MAP4: variants seen among roughly 807,000 people sequenced by gnomAD.
MAP4 encodes the protein microtubule-associated protein 4.
Under a neutral mutation model 170.2 loss-of-function variants are expected in MAP4, and 76 were observed. The observed-to-expected ratio is 0.45, with a 90% CI of 0.37 to 0.54. The LOEUF (loss-of-function observed/expected upper bound fraction) is 0.54. Ranked by LOEUF, MAP4 falls within the 20% of genes least tolerant of loss-of-function variation. MAP4 has a pLI of 0.00. For synonymous variants in MAP4, 909 were observed against 994.5 expected (o/e 0.91, Z 1.62); for missense variants, 2,506 against 2,748.0 (o/e 0.91, Z 1.97).
intron 1 of MAP4, among the ~76,000 whole-genome samples, chr3:48,070,685 A>T (rs943305517): frequency 7.3e-5 from 11 of 151,724 alleles, no homozygotes; most frequent in African/African-American, 1.7e-4. Context: ...TTTTAAAAAA[A>T]TTTTTAGTAT....
At chr3:47,864,984 C>G (rs901148248) in intron 17 of MAP4, among the ~76,000 whole-genome samples, 1 of 152,240 alleles carries the variant, frequency 6.6e-6, no homozygotes, top group Non-Finnish European at 1.5e-5. Context: ...AAACAAAGCA[C>G]CTGGGTCCAG....
intron 2 of MAP4, among the ~76,000 whole-genome samples, chr3:47,979,314 T>A (rs558455634): frequency 6.6e-6 from 1 of 152,304 alleles, no homozygotes; most frequent in South Asian, 2.1e-4. Context: ...AAAAGTCATC[T>A]GCATTCTATT....
chr3:48,040,277 A>T (rs935831101), intron 1 of MAP4, among the ~76,000 whole-genome samples: 5 of 150,744 alleles, frequency 3.3e-5, no homozygotes, highest in Non-Finnish European at 7.4e-5. Context: ...TTATTTTTTT[A>T]TTTTTTTTTG....
chr3:47,868,412 T>C (rs1474297189), intron 16 of MAP4, among the ~76,000 whole-genome samples: 1 of 152,184 alleles, frequency 6.6e-6, no homozygotes, highest in East Asian at 1.9e-4. Flanking sequence ...TAATGAGCCT[T>C]GGTCTGAACC....
chr3:47,877,539 G>A lies in MAP4; in HGVS notation c.5435-16C>T. On this transcript the variant is annotated splice_polypyrimidine_tract_variant and intron_variant, in intron 10 of 20. Transcript: ENST00000683076. ...CTGGCTATTCCTAAGGGGAGAGGGT[G>A]AGTGGGAATTATGCTAAGCAAACAT... 2 of 1,559,544 alleles carry A rather than the reference G, an allele frequency of 1.3e-6. No homozygotes were observed. Among genetic ancestry groups the A allele is most frequent in the Middle Eastern group, 1.7e-4 (1 of 5,796 alleles).
Position 47,918,733 on chromosome 3 carries a change from G to A in MAP4, c.638C>T (p.Pro213Leu). Reference protein sequence around the residue: ...FVSPEAVAEPPQPTAVPLELA... With the variant: ...FVSPEAVAEPLQPTAVPLELA... ...TAATAGTTTACCTGCCGTTGGCTGA[G>A]GAGGTTCTGCAACAGCCTCTGGGGA... The change falls in exon 6 of 21, where the codon CCT becomes CTT. Residue 213 changes from proline (P) to leucine (L), a missense_variant. Pro to Leu is a moderately conservative substitution (Grantham distance 98, BLOSUM62 -3). Around this residue, in one of 3 missense-constraint regions of MAP4, gnomAD observed 2,008 missense variants for 2,206.0 expected, o/e 0.91. Coordinates refer to ENST00000683076, the MANE Select transcript of MAP4 (RefSeq NM_001385682.1). The A allele has an allele frequency of 6.2e-7, 1 of 1,610,126 alleles. No homozygotes were observed. Among genetic ancestry groups the A allele is most frequent in the African/African-American group, 1.3e-5 (1 of 74,920 alleles).
chr3:48,060,729 C>T (rs765602964), intron 1 of MAP4, among the ~76,000 whole-genome samples: 1 of 149,976 alleles, frequency 6.7e-6, no homozygotes, highest in African/African-American at 2.5e-5. Flanking sequence ...GCCTGGGCAA[C>T]GTGTCGAAAC....
chr3:48,021,787 A>T (rs1005305031), intron 1 of MAP4, among the ~76,000 whole-genome samples: 7 of 152,260 alleles, frequency 4.6e-5, no homozygotes, highest in Non-Finnish European at 2.9e-5. Flanking sequence ...ACAAACTTAG[A>T]GGAACTTAAA....
chr3:47,878,202 T>C (rs1314876882), intron 10 of MAP4, among the ~76,000 whole-genome samples: 1 of 152,202 alleles, frequency 6.6e-6, no homozygotes, highest in Non-Finnish European at 1.5e-5. Flanking sequence ...GGGGAAGGCA[T>C]TTCTAACTGG....
At position 47,916,523 on chromosome 3, in the gene MAP4, T is replaced by A. The variant is rs748588540; in HGVS notation, c.1304A>T (p.Lys435Met). The A allele has an allele frequency of 1.1e-5, 17 of 1,614,122 alleles. No homozygotes were observed. In the South Asian group the frequency reaches 1.9e-4, roughly 18 times the overall value. ...ISSTEISSAE[K>M]VALSSETEVA... ...CTCTGTTTCTGAGGACAAAGCCACCTTCTCAGCAGAGGATATTTCTGTGGA... is the reference window on the plus strand; with the variant it reads ...CTCTGTTTCTGAGGACAAAGCCACCATCTCAGCAGAGGATATTTCTGTGGA... Residue 435 changes from lysine to methionine, a missense_variant, in exon 7 of 21, where the codon AAG becomes ATG. Lys to Met is a moderately conservative substitution (Grantham distance 95). Transcript: ENST00000683076.
At chr3:47,920,505 A>G (rs1450547360) in intron 5 of MAP4, among the ~76,000 whole-genome samples, 1 of 150,798 alleles carries the variant, frequency 6.6e-6, no homozygotes. Flanking sequence ...GGCCTCCCAA[A>G]GTGCTGGGAT....
chr3:47,883,452 C>T (rs1445410091), intron 10 of MAP4, among the ~76,000 whole-genome samples: 2 of 151,980 alleles, frequency 1.3e-5, no homozygotes, highest in African/African-American at 2.4e-5. Context: ...CTCGAACTCC[C>T]GACCTCAGAT....
upstream of MAP4, among the ~76,000 whole-genome samples, chr3:48,018,694 T>C (rs1321107114): frequency 6.6e-6 from 1 of 151,986 alleles, no homozygotes; most frequent in East Asian, 1.9e-4. Flanking sequence ...TCCCAGCTAC[T>C]CGAGAGGCTG....
At chr3:48,051,908 T>A (rs908489156) in intron 1 of MAP4, among the ~76,000 whole-genome samples, 2 of 152,234 alleles carry the variant, frequency 1.3e-5, no homozygotes, top group African/African-American at 2.4e-5. Flanking sequence ...GCTAAAAATT[T>A]GATCTTGCAA....
Position 47,911,019 on chromosome 3 carries a change from CG to C in MAP4, c.3401del (p.Thr1134ArgfsTer5). The C allele has an allele frequency of 3.3e-6, 5 of 1,536,194 alleles. No homozygotes were observed. The highest frequency in any genetic ancestry group is 4.4e-6 in the Non-Finnish European group (5 of 1,146,912). ...SKQPGTKADL[T>X]EAVVMGEPKE... Reference sequence around the variant, plus strand: ...TAGGCTCCCCCATCACCACTGCCTCCGTGAGATCAGCCTTAGTGCCTGGTTG... The same window carrying C: ...TAGGCTCCCCCATCACCACTGCCTCCTGAGATCAGCCTTAGTGCCTGGTTG... On this transcript the variant is annotated frameshift_variant, in exon 9 of 21. Transcript: ENST00000683076. LOFTEE classifies it high-confidence loss of function. The surrounding 1 kb of genome is among the most constrained non-coding windows in gnomAD (Gnocchi z 4.0).
chr3:47,991,497 T>C (rs2100092172), intron 2 of MAP4, among the ~76,000 whole-genome samples: 1 of 152,162 alleles, frequency 6.6e-6, no homozygotes, highest in Admixed American at 6.6e-5. Context: ...ACAGTCTGAC[T>C]GTCGCTATAA....
chr3:48,010,555 CTTTAT>C (rs1363086754), intron 1 of MAP4, among the ~76,000 whole-genome samples: 2 of 151,996 alleles, frequency 1.3e-5, no homozygotes, highest in Non-Finnish European at 2.9e-5. Context: ...TTATTATTGT[CTTTAT>C]TTTAAGATTA....
intron 17 of MAP4, among the ~76,000 whole-genome samples, chr3:47,861,822 G>A (rs981177255): frequency 6.6e-6 from 1 of 151,834 alleles, no homozygotes; most frequent in Non-Finnish European, 1.5e-5. Flanking sequence ...TCACGCCACT[G>A]CACTCCAGCC....
chr3:47,931,979 G>A (rs1489485230), intron 3 of MAP4: 2 of 152,106 alleles, frequency 1.3e-5, no homozygotes, highest in South Asian at 2.1e-4. Flanking sequence ...TTTTAAAGTC[G>A]AGTTCAAAGG....
Sources: gnomAD v4.1 joint callset for allele counts (sites outside exome capture counted in the v4.1 genomes callset) on GRCh38, gnomAD v4.1.1 for gene constraint, gnomAD v4.1.1 regional missense constraint, Gnocchi (gnomAD v3.1) non-coding constraint, MANE v1.5 for transcripts, NCBI Gene and HGNC (gene_info 2026-07-23, HGNC 2026-07-21) for gene names.